Variants in CFAP99 observed in about 807,000 individuals in gnomAD.
CFAP99 encodes the protein cilia and flagella associated protein 99, also known as cilia- and flagella-associated protein 99.
In CFAP99, 84 loss-of-function variants were observed where a neutral mutation model predicts 82.7. The observed-to-expected ratio is 1.02, with a 90% CI of 0.85 to 1.22. CFAP99 has a LOEUF of 1.22. Among genes scored for constraint, CFAP99 ranks in the 50% most tolerant of loss-of-function variants. The pLI is 0.00. For synonymous variants in CFAP99, 456 were observed against 429.5 expected, an observed-to-expected ratio of 1.06 and a Z score of -0.76; for missense variants, 1,059 against 983.5, an observed-to-expected ratio of 1.08 and a Z score of -1.03.
intron 2 of CFAP99, among the ~76,000 whole-genome samples, chr4:2,431,518 T>C (rs540919171): frequency 6.6e-6 from 1 of 152,296 alleles, no homozygotes; most frequent in African/African-American, 2.4e-5. Context: ...TCCCTTTGCA[T>C]CTTGGGTGCA....
Position 2,448,043 on chromosome 4 carries a change from G to A in CFAP99, c.643-1627G>A, listed in dbSNP as rs888838009. On this transcript the variant is annotated intron_variant, in intron 6 of 14. Coordinates refer to ENST00000635017, the Ensembl canonical transcript of CFAP99. The surrounding 1 kb of genome is among the most constrained non-coding windows in gnomAD (Gnocchi z 5.2). ...TGAATGGATGGATGGATGGATGGAT[G>A]ATCAGAGGGATGGATAGATGGATAG... Among the ~76,000 whole-genome samples the A allele has an allele frequency of 4.0e-5, 6 of 151,072 alleles. No homozygotes were observed. Among genetic ancestry groups the A allele is most frequent in the Admixed American group, 2.6e-4 (4 of 15,150 alleles).
intron 1 of CFAP99, among the ~76,000 whole-genome samples, chr4:2,424,672 G>C (rs1733649397): frequency 6.6e-6 from 1 of 152,152 alleles, no homozygotes; most frequent in Non-Finnish European, 1.5e-5. Flanking sequence ...TCCTTGTCCT[G>C]CCAGCCAGTG....
chr4:2,437,824 G>A (rs186410810), intron 3 of CFAP99, among the ~76,000 whole-genome samples: 170 of 152,318 alleles, frequency 1.1e-3, no homozygotes, highest in Non-Finnish European at 1.9e-3. Context: ...TACCTGGGGA[G>A]CCTTTGCAAA....
intron 10 of CFAP99, among the ~76,000 whole-genome samples, chr4:2,451,724 C>T (rs2792625): frequency 0.024 from 1,724 of 72,632 alleles, 34 homozygotes; most frequent in African/African-American, 0.071. Flanking sequence ...CTTTCCTTGT[C>T]TGCAAGTCAG....
At chr4:2,453,969 A>G (rs1190775813) in intron 11 of CFAP99, among the ~76,000 whole-genome samples, 1 of 150,780 alleles carries the variant, frequency 6.6e-6, no homozygotes, top group East Asian at 1.9e-4. Context: ...GAGCACCACC[A>G]TGCATGGCTA....
intron 4 of CFAP99, among the ~76,000 whole-genome samples, chr4:2,438,456 G>T (rs1733968377): frequency 6.6e-6 from 1 of 152,054 alleles, no homozygotes; most frequent in Non-Finnish European, 1.5e-5. Flanking sequence ...TAGAGACGGG[G>T]TTTCACCATG....
At chr4:2,440,170 G>A (rs1379692764) in intron 4 of CFAP99, among the ~76,000 whole-genome samples, 1 of 81,590 alleles carries the variant, frequency 1.2e-5, no homozygotes, top group Non-Finnish European at 2.1e-5. Context: ...TTTTTGAGAC[G>A]GAGTCTCGCT....
In CFAP99 at chr4:2,448,141, G is replaced by A. The variant is rs1235390679; in HGVS notation, c.643-1529G>A. Among the ~76,000 whole-genome samples, 1 of 152,158 alleles carries A rather than the reference G, an allele frequency of 6.6e-6. No homozygotes were observed. The highest frequency in any genetic ancestry group is 2.4e-5 in the African/African-American group (1 of 41,428). ...GATGATTAGATGGAGGTGGCTGATG[G>A]ATGGATGATCAGAGACCTTGTTGCT... On this transcript the variant is annotated intron_variant, in intron 6 of 14. Transcript: ENST00000635017. The surrounding 1 kb of genome is among the most constrained non-coding windows in gnomAD (Gnocchi z 5.2).
In CFAP99 at chr4:2,448,647, G is replaced by T. The variant is rs1222580701; in HGVS notation, c.643-1023G>T. Among the ~76,000 whole-genome samples the T allele has an allele frequency of 6.6e-6, 1 of 152,256 alleles. No homozygotes were observed. The highest frequency in any genetic ancestry group is 1.5e-5 in the Non-Finnish European group (1 of 68,040). ...GGTGTCTCAGAGAACAGCATCCTGG[G>T]CAGGAGCAAGGTGCAGGCAAAGGCC... On this transcript the variant is annotated intron_variant, in intron 6 of 14. Transcript: ENST00000635017. This position sits in a 1 kb window ranked among gnomAD's most constrained non-coding sequence, Gnocchi z 5.2.
In CFAP99 at chr4:2,441,206, A is replaced by G. The variant is rs569338443; in HGVS notation, c.352-1924A>G. Among the ~76,000 whole-genome samples, 4 of 151,906 alleles carry G rather than the reference A, an allele frequency of 2.6e-5. No homozygotes were observed. In the East Asian group the frequency reaches 7.7e-4, roughly 29 times the overall value. On this transcript the variant is annotated intron_variant, in intron 4 of 14. Coordinates refer to ENST00000635017, the Ensembl canonical transcript of CFAP99. ...ACCAACACGGTGAAACCCCGTCTCT[A>G]TTAAAAATAGAAAAAAATTAGCCGG...
chr4:2,433,711 C>CA lies in CFAP99; in HGVS notation c.112-3161dup, dbSNP rs796747397. 1.2e-4 allele frequency among the ~76,000 whole-genome samples: 18 copies of CA among 152,328 alleles called. 1 individual carries two copies. Among genetic ancestry groups the CA allele is most frequent in the African/African-American group, 4.1e-4 (17 of 41,578 alleles). ...ATCTAGCCAAGAAAGGGACAGTAAA[C>CA]AAGCCATGCCGCGACTGGGACAGGC... is the stretch of plus-strand genomic sequence containing the variant. On this transcript the variant is annotated intron_variant, in intron 2 of 14. Transcript: ENST00000635017.
At chr4:2,433,351 C>T (rs190890519) in intron 2 of CFAP99, among the ~76,000 whole-genome samples, 382 of 151,932 alleles carry the variant, frequency 2.5e-3, no homozygotes, top group African/African-American at 8.0e-3. Context: ...TCAGCGGCCA[C>T]GCTGACTCAC....
chr4:2,462,912 C>T lies in CFAP99; in HGVS notation c.2131C>T (p.Leu711=). Residue 711 remains leucine (L), a synonymous_variant, in exon 15 of 15, where the codon CTG becomes TTG. Transcript: ENST00000635017. This position sits in a 1 kb window ranked among gnomAD's most constrained non-coding sequence, Gnocchi z 4.1. ...CTCAGGACCCGGGCCCGCGCGCCGC[C>T]TGGAGGCCGCCTGAGCCGGGCCGAG... 1.5e-6 allele frequency: 2 copies of T among 1,306,744 alleles called. No individual in the cohort carries two copies. The highest frequency in any genetic ancestry group is 2.2e-5 in the South Asian group (1 of 44,616). The allele number at this position is 1,306,744 out of a possible 1,614,324, so 80.9% of individuals were successfully genotyped here.
At chr4:2,451,066 C>G in intron 9 of CFAP99, 48 bp downstream of exon 9, 2 of 1,445,392 alleles carry the variant, frequency 1.4e-6, no homozygotes, top group Middle Eastern at 1.7e-4. Context: ...GGGCACCCAC[C>G]CCTCCAGACC....
At position 2,446,343 on chromosome 4, in the gene CFAP99, CTTTT is replaced by C. The variant is rs1255337172; in HGVS notation, c.642+1037_642+1040del. ...ATCCATCTTATTTGTCCCATATTCT[CTTTT>C]TATTTCATTTTATTATTGTTGTTAT... On this transcript the variant is annotated intron_variant, in intron 6 of 14. Coordinates refer to ENST00000635017, the Ensembl canonical transcript of CFAP99. This position sits in a 1 kb window ranked among gnomAD's most constrained non-coding sequence, Gnocchi z 5.0. Among the ~76,000 whole-genome samples, 1 of 151,772 alleles carries C rather than the reference CTTTT, an allele frequency of 6.6e-6. No individual in the cohort carries two copies. The highest frequency in any genetic ancestry group is 1.9e-4 in the East Asian group (1 of 5,186).
At chr4:2,426,437 G>A (rs1459215123) in intron 1 of CFAP99, 22 bp from the exon 2 acceptor site, 1 of 1,453,834 alleles carries the variant, frequency 6.9e-7, no homozygotes, top group South Asian at 1.2e-5. Flanking sequence ...TGGAGGGCGT[G>A]ACCTGCACGG....
At chr4:2,458,890 C>G (rs893845725) in intron 12 of CFAP99, 26 bp downstream of exon 12, 1 of 1,524,224 alleles carries the variant, frequency 6.6e-7, no homozygotes, top group Admixed American at 2.0e-5. Context: ...ATGTCACTGG[C>G]CCTACCCCGC....
At chr4:2,437,184 G>A (rs1048026329) in intron 3 of CFAP99, among the ~76,000 whole-genome samples, 166 bp downstream of exon 3, 9 of 152,194 alleles carry the variant, frequency 5.9e-5, no homozygotes, top group Non-Finnish European at 7.3e-5. Context: ...CTTACCAGGC[G>A]GACCAGGACC....
At chr4:2,452,475 T>C (rs1734328922) in intron 11 of CFAP99, 129 bp downstream of exon 11, 1 of 968,162 alleles carries the variant, frequency 1.0e-6, no homozygotes, top group African/African-American at 1.6e-5. Flanking sequence ...ACTGATGTGT[T>C]GGTCCTGGCT....
Sources: gnomAD v4.1 joint callset for allele counts (sites outside exome capture counted in the v4.1 genomes callset) on GRCh38, gnomAD v4.1.1 for gene constraint, Gnocchi (gnomAD v3.1) non-coding constraint, MANE v1.5 for transcripts, NCBI Gene and HGNC (gene_info 2026-07-23, HGNC 2026-07-21) for gene names.